Variants in SETD3 observed in about 807,000 individuals in gnomAD.
The protein encoded by SETD3 is SET domain containing 3, actin N3(tau)-histidine methyltransferase, also known as actin-histidine N-methyltransferase.
SETD3 carries 19 observed loss-of-function variants against 63.0 expected under a neutral mutation model. The observed-to-expected ratio is 0.30, with a 90% CI of 0.21 to 0.44. SETD3 has a LOEUF of 0.44. Among genes scored for constraint, SETD3 ranks in the 20% least tolerant of loss-of-function variants. SETD3 has a pLI of 1.00. For missense variants in SETD3, 587 were observed against 728.5 expected (o/e 0.81, Z 2.24); for synonymous variants, 286 against 264.1 (o/e 1.08, Z -0.80).
chr14:99,456,438 C>CTT (rs1447724244), intron 6 of SETD3, among the ~76,000 whole-genome samples: 1 of 152,096 alleles, frequency 6.6e-6, no homozygotes, highest in Non-Finnish European at 1.5e-5. Flanking sequence ...GATTAGTGCT[C>CTT]TAAGAATGTT....
At chr14:99,405,472 CACTAA>C in intron 9 of SETD3, 101 bp from the exon 10 acceptor site, 2 of 1,243,670 alleles carry the variant, frequency 1.6e-6, no homozygotes, top group South Asian at 1.5e-5. Context: ...TACATTTAGA[CACTAA>C]ATAGCTGAAA....
At chr14:99,434,875 A>C (rs994687041) in intron 6 of SETD3, among the ~76,000 whole-genome samples, 1 of 149,578 alleles carries the variant, frequency 6.7e-6, no homozygotes, top group African/African-American at 2.5e-5. Context: ...AAAAAAAAAA[A>C]ACAACCTACA....
chr14:99,405,170 T>G, intron 10 of SETD3, 35 bp downstream of exon 10: 1 of 1,596,340 alleles, frequency 6.3e-7, no homozygotes, highest in Middle Eastern at 1.7e-4. Context: ...GTTCAAGTAC[T>G]GCAAGAAAGG....
intron 6 of SETD3, among the ~76,000 whole-genome samples, chr14:99,437,890 C>T (rs114776460): frequency 0.025 from 3,880 of 152,220 alleles, 151 homozygotes; most frequent in African/African-American, 0.088. Flanking sequence ...ATTTAGATAC[C>T]AGCTAACTGT....
At chr14:99,427,862 C>T (rs1787632945) in intron 6 of SETD3, among the ~76,000 whole-genome samples, 1 of 152,098 alleles carries the variant, frequency 6.6e-6, no homozygotes, top group African/African-American at 2.4e-5. Flanking sequence ...CAGTCACTGT[C>T]GGGAAGAGGG....
chr14:99,457,051 A>G (rs1255989920), intron 6 of SETD3, among the ~76,000 whole-genome samples: 1 of 152,236 alleles, frequency 6.6e-6, no homozygotes, highest in Non-Finnish European at 1.5e-5. Flanking sequence ...TTTAGTCATG[A>G]AAGATATACC....
At chr14:99,414,375 G>T (rs1207058290) in intron 6 of SETD3, among the ~76,000 whole-genome samples, 1 of 152,206 alleles carries the variant, frequency 6.6e-6, no homozygotes, top group Non-Finnish European at 1.5e-5. Context: ...TCAACAAAAG[G>T]AAAAATTAAA....
intron 6 of SETD3, among the ~76,000 whole-genome samples, chr14:99,439,494 T>C (rs1893667634): frequency 6.6e-6 from 1 of 152,010 alleles, no homozygotes; most frequent in Non-Finnish European, 1.5e-5. Flanking sequence ...GTTGATTTTA[T>C]ATCTCCTTAT....
chr14:99,469,255 C>A (rs183880286), intron 1 of SETD3, among the ~76,000 whole-genome samples: 5 of 152,206 alleles, frequency 3.3e-5, no homozygotes, highest in Non-Finnish European at 5.9e-5. Context: ...GTACATTAGC[C>A]CCTGGGAAGG....
chr14:99,449,287 G>T (rs199670055), intron 6 of SETD3, among the ~76,000 whole-genome samples: 2 of 152,152 alleles, frequency 1.3e-5, no homozygotes, highest in East Asian at 3.9e-4. Flanking sequence ...TTTGCATCTG[G>T]TGAGAAACAG....
At chr14:99,411,562 T>C (rs978054736) in intron 8 of SETD3, 2 of 152,176 alleles carry the variant, frequency 1.3e-5, no homozygotes, top group Non-Finnish European at 2.9e-5. Flanking sequence ...AAGCCAAGCA[T>C]TATTGCTTTA....
chr14:99,436,393 T>G lies in SETD3; in HGVS notation c.675+21886A>C, dbSNP rs572990541. Reference sequence around the variant, plus strand: ...TCCATCATCCAGAAACAGGGTCTTCTGCATTCCTGACAGAAGTGTTAGGCA... The same window carrying G: ...TCCATCATCCAGAAACAGGGTCTTCGGCATTCCTGACAGAAGTGTTAGGCA... On this transcript the variant is annotated intron_variant, in intron 6 of 12. Coordinates refer to ENST00000331768, the MANE Select transcript of SETD3 (RefSeq NM_032233.3). Among the ~76,000 whole-genome samples, 334 of 152,270 alleles carry G rather than the reference T, an allele frequency of 2.2e-3. 1 individual carries two copies. Among genetic ancestry groups the G allele is most frequent in the African/African-American group, 7.8e-3 (326 of 41,564 alleles).
intron 1 of SETD3, among the ~76,000 whole-genome samples, chr14:99,476,454 G>C (rs1895977452): frequency 6.6e-6 from 1 of 152,178 alleles, no homozygotes; most frequent in East Asian, 1.9e-4. Context: ...TTGGGACATG[G>C]GCAAAACTTC....
intron 3 of SETD3, among the ~76,000 whole-genome samples, chr14:99,462,605 C>T (rs1372489485): frequency 6.6e-6 from 1 of 152,166 alleles, no homozygotes; most frequent in Non-Finnish European, 1.5e-5. Context: ...GAAACTAAGG[C>T]GCTACCCACT....
chr14:99,479,922 C>T (rs1023688316), intron 1 of SETD3, among the ~76,000 whole-genome samples: 1 of 152,196 alleles, frequency 6.6e-6, no homozygotes, highest in African/African-American at 2.4e-5. Flanking sequence ...GCCAGGGGCG[C>T]GCGTCACTGT....
At chr14:99,480,625 A>C (rs1896251165) in intron 1 of SETD3, 103 bp downstream of exon 1, 1 of 150,300 alleles carries the variant, frequency 6.7e-6, no homozygotes, top group Admixed American at 6.6e-5. Context: ...ACTTCGGCCG[A>C]GGGGCGCTGG....
At chr14:99,457,297 C>G (rs4905834) in intron 6 of SETD3, among the ~76,000 whole-genome samples, 1 of 152,230 alleles carries the variant, frequency 6.6e-6, no homozygotes, top group Non-Finnish European at 1.5e-5. Flanking sequence ...ATGAAGACAA[C>G]AGTCATGTAT....
At chr14:99,400,347 C>A (rs1045759508) in intron 11 of SETD3, 88 bp from the exon 12 acceptor site, 1 of 1,371,122 alleles carries the variant, frequency 7.3e-7, no homozygotes, top group African/African-American at 1.5e-5. Flanking sequence ...AATATTGTTT[C>A]CAACAACGCC....
intron 6 of SETD3, among the ~76,000 whole-genome samples, chr14:99,452,899 C>T (rs1026139449): frequency 6.6e-6 from 1 of 152,178 alleles, no homozygotes; most frequent in South Asian, 2.1e-4. Context: ...TTGGTACAGG[C>T]CCCCAAGAAA....
Sources: gnomAD v4.1 joint callset for allele counts (sites outside exome capture counted in the v4.1 genomes callset) on GRCh38, gnomAD v4.1.1 for gene constraint, MANE v1.5 for transcripts, NCBI Gene and HGNC (gene_info 2026-07-23, HGNC 2026-07-21) for gene names.